PCDHGA6: variants seen among roughly 807,000 people sequenced by gnomAD.
PCDHGA6 encodes protocadherin gamma-A6.
In PCDHGA6, 41 loss-of-function variants were observed where a neutral mutation model predicts 60.6. The ratio of observed to expected loss-of-function variants is 0.68; its 90% CI spans 0.53 to 0.88. The LOEUF (loss-of-function observed/expected upper bound fraction) is 0.88. Among genes scored for constraint, PCDHGA6 ranks in the 40% least tolerant of loss-of-function variants. The pLI, the probability that PCDHGA6 is intolerant of heterozygous loss-of-function variation, is 0.00. For synonymous variants in PCDHGA6, 594 were observed against 524.4 expected, an observed-to-expected ratio of 1.13 and a Z score of -1.81; for missense variants, 1,312 against 1,203.0, an observed-to-expected ratio of 1.09 and a Z score of -1.34.
chr5:141,390,185 T>C, intron 1 of PCDHGA6: 1 of 1,614,042 alleles, frequency 6.2e-7, no homozygotes, highest in Non-Finnish European at 8.5e-7. Context: ...TCCTAAAATG[T>C]AGTGAGCAGT....
intron 1 of PCDHGA6, chr5:141,479,196 C>T (rs2099489838): frequency 2.0e-5 from 3 of 152,432 alleles, no homozygotes; most frequent in African/African-American, 7.2e-5. Context: ...TCAGAAAATA[C>T]AGAAAAGTAT....
intron 1 of PCDHGA6, among the ~76,000 whole-genome samples, chr5:141,402,587 T>C (rs2094282900): frequency 1.3e-5 from 2 of 152,228 alleles, no homozygotes; most frequent in Non-Finnish European, 2.9e-5. Flanking sequence ...ATCTAAAAAA[T>C]AGATTGCTTT....
In PCDHGA6 at chr5:141,489,291, C is replaced by A; in HGVS notation, c.2425-5516C>A. ...TCGCTGGGAAATGGCAAGTGCTGTG[C>A]ATGTTGTCCTTGTGCTGCTGGGGCT... is the stretch of plus-strand genomic sequence containing the variant. On this transcript the variant is annotated intron_variant, in intron 1 of 3. Transcript: ENST00000517434. This position sits in a 1 kb window ranked among gnomAD's most constrained non-coding sequence, Gnocchi z 4.5. 6.3e-7 allele frequency: 1 copy of A among 1,577,628 alleles called. No homozygotes were observed. The highest frequency in any genetic ancestry group is 8.6e-7 in the Non-Finnish European group (1 of 1,161,994).
intron 1 of PCDHGA6, chr5:141,404,785 C>T (rs1028323734): frequency 1.9e-6 from 3 of 1,613,330 alleles, no homozygotes; most frequent in Admixed American, 1.7e-5. Context: ...TATTCAAGGC[C>T]AGTGAGCCAG....
rs979750945 is a variant in PCDHGA6 at position 141,478,807 on chromosome 5, A to G, written c.2425-16000A>G. The G allele has an allele frequency of 3.4e-6, 5 of 1,459,258 alleles. No homozygotes were observed. The African/African-American group carries it at 5.7e-5, about 17-fold the overall frequency. 90.4% of individuals were successfully genotyped at this position (1,459,258 alleles called of 1,614,324 possible). On this transcript the variant is annotated intron_variant, in intron 1 of 3. Transcript: ENST00000517434. The stretch of plus-strand genomic sequence containing the variant: ...TTCACATCCTCAGCACTCTTTTGCT[A>G]TCACAACTAACCAATCTTGCTAAGG...
intron 1 of PCDHGA6, chr5:141,414,372 A>G: frequency 1.2e-6 from 2 of 1,613,914 alleles, no homozygotes; most frequent in Non-Finnish European, 1.7e-6. Context: ...TTAAATTAGA[A>G]AAGTCCATTG....
intron 1 of PCDHGA6, chr5:141,394,115 T>G: frequency 2.5e-6 from 4 of 1,613,954 alleles, no homozygotes; most frequent in Non-Finnish European, 3.4e-6. Flanking sequence ...CTCTGTCCAC[T>G]GAAACTCAAA....
chr5:141,484,374 T>C (rs1261372490), intron 1 of PCDHGA6, among the ~76,000 whole-genome samples: 1 of 152,186 alleles, frequency 6.6e-6, no homozygotes, highest in Non-Finnish European at 1.5e-5. Context: ...CACTAGCAAA[T>C]GTCTGAATAA....
intron 1 of PCDHGA6, among the ~76,000 whole-genome samples, chr5:141,456,179 A>G (rs1161415053): frequency 6.6e-6 from 1 of 151,860 alleles, no homozygotes; most frequent in Non-Finnish European, 1.5e-5. Context: ...TTACAGAATA[A>G]TTTCTTAATA....
At chr5:141,469,804 T>C (rs1433459377) in intron 1 of PCDHGA6, among the ~76,000 whole-genome samples, 1 of 152,060 alleles carries the variant, frequency 6.6e-6, no homozygotes, top group Non-Finnish European at 1.5e-5. Context: ...TGCAAAAACA[T>C]TGTAGATAGA....
At chr5:141,437,654 A>C (rs185455660) in intron 1 of PCDHGA6, among the ~76,000 whole-genome samples, 1 of 152,256 alleles carries the variant, frequency 6.6e-6, no homozygotes, top group African/African-American at 2.4e-5. Context: ...GCAAACACAT[A>C]GTTTCGAAGA....
At position 141,376,294 on chromosome 5, in the gene PCDHGA6, C is replaced by A; in HGVS notation, c.2211C>A (p.Gly737=). 2.5e-6 allele frequency: 4 copies of A among 1,614,226 alleles called. No homozygotes were observed. Among genetic ancestry groups the A allele is most frequent in the Non-Finnish European group, 3.4e-6 (4 of 1,180,036 alleles). ...GAGGTGGCTTAGCGAGCATGCCCGGCTCGCACTTTGTGGGCGTGGAAGGGG... is the reference window on the plus strand; with the variant it reads ...GAGGTGGCTTAGCGAGCATGCCCGGATCGCACTTTGTGGGCGTGGAAGGGG... ...ASGGGLASMP[G]SHFVGVEGVR... The change falls in exon 1 of 4, where the codon GGC becomes GGA. Residue 737 remains glycine, a synonymous_variant. Coordinates refer to ENST00000517434, the MANE Select transcript of PCDHGA6 (RefSeq NM_018919.3).
At position 141,486,481 on chromosome 5, in the gene PCDHGA6, T is replaced by C. The variant is rs1562112794; in HGVS notation, c.2425-8326T>C. 1 of 1,614,036 alleles carries C rather than the reference T, an allele frequency of 6.2e-7. No individual in the cohort carries two copies. The highest frequency in any genetic ancestry group is 8.5e-7 in the Non-Finnish European group (1 of 1,179,976). Reference sequence around the variant, plus strand: ...CTGATGCTGGGAACCCTCCTCTCAGTACCCACAGAACTATTTTCCTCAATA... The same window carrying C: ...CTGATGCTGGGAACCCTCCTCTCAGCACCCACAGAACTATTTTCCTCAATA... On this transcript the variant is annotated intron_variant, in intron 1 of 3. Coordinates refer to ENST00000517434, the MANE Select transcript of PCDHGA6 (RefSeq NM_018919.3). This position sits in a 1 kb window ranked among gnomAD's most constrained non-coding sequence, Gnocchi z 5.0.
At chr5:141,450,831 T>TA (rs761717068) in intron 1 of PCDHGA6, among the ~76,000 whole-genome samples, 7,796 of 144,584 alleles carry the variant, frequency 0.054, 354 homozygotes, top group African/African-American at 0.12. Context: ...TTATTATTAT[T>TA]TTTTTTTTTT....
In PCDHGA6 at chr5:141,512,237, G is replaced by A. The variant is rs2099884134; in HGVS notation, c.*1064G>A. ...AGGACCAGGTCCCCTTGAGAGGTCA[G>A]AGGGGCCTCTGTGGGTGCTGGGTAC... On this transcript the variant is annotated 3_prime_UTR_variant, in exon 4 of 4. Transcript: ENST00000517434. 1 of 152,774 alleles carries A rather than the reference G, an allele frequency of 6.5e-6. No homozygotes were observed. The highest frequency in any genetic ancestry group is 1.5e-5 in the Non-Finnish European group (1 of 68,148). The allele number at this position is 152,774 out of a possible 1,614,324, so 9.5% of individuals were successfully genotyped here.
In PCDHGA6 at chr5:141,489,684, T is replaced by A; in HGVS notation, c.2425-5123T>A. 1 of 1,614,180 alleles carries A rather than the reference T, an allele frequency of 6.2e-7. No homozygotes were observed. Among genetic ancestry groups the A allele is most frequent in the South Asian group, 1.1e-5 (1 of 91,078 alleles). ...TGCGCATCTCAGAATCAGCAGCATC[T>A]GGGGCACGATTCCCACTGGACAGTG... On this transcript the variant is annotated intron_variant, in intron 1 of 3. Transcript: ENST00000517434. This position sits in a 1 kb window ranked among gnomAD's most constrained non-coding sequence, Gnocchi z 4.5.
At chr5:141,389,605 A>T in intron 1 of PCDHGA6, 1 of 1,613,092 alleles carries the variant, frequency 6.2e-7, no homozygotes, top group Non-Finnish European at 8.5e-7. Context: ...GCGCTCTTCG[A>T]TATGGTGCCG....
intron 1 of PCDHGA6, among the ~76,000 whole-genome samples, chr5:141,481,710 T>C (rs1447483213): frequency 6.6e-6 from 1 of 151,556 alleles, no homozygotes; most frequent in Non-Finnish European, 1.5e-5. Context: ...TCCCAGCACT[T>C]TGGGAGGCGG....
chr5:141,494,923 G>A lies in PCDHGA6; in HGVS notation c.2483+58G>A, dbSNP rs572227346. Reference sequence around the variant, plus strand: ...TCTGCGGCATTTTCTCAGGGATGACGTGGGAGGAGATGGGGGAGGGCCCAG... The same window carrying A: ...TCTGCGGCATTTTCTCAGGGATGACATGGGAGGAGATGGGGGAGGGCCCAG... On this transcript the variant is annotated intron_variant, in intron 2 of 3. Coordinates refer to ENST00000517434, the MANE Select transcript of PCDHGA6 (RefSeq NM_018919.3). The A allele has an allele frequency of 8.9e-5, 143 of 1,613,698 alleles. 1 individual carries two copies. In the Middle Eastern group the frequency reaches 1.8e-3, roughly 20 times the overall value.
Sources: gnomAD v4.1 joint callset for allele counts (sites outside exome capture counted in the v4.1 genomes callset) on GRCh38, gnomAD v4.1.1 for gene constraint, Gnocchi (gnomAD v3.1) non-coding constraint, MANE v1.5 for transcripts, NCBI Gene and HGNC (gene_info 2026-07-23, HGNC 2026-07-21) for gene names.